The following NFILZ variants were observed in gnomAD, a reference collection of about 807,000 sequenced individuals.
NFILZ encodes the protein NFIL3 like basic leucine zipper, also known as NFIL3 like protein.
chr19:8,633,568 T>C (rs2042880210), intron 2 of NFILZ, among the ~76,000 whole-genome samples: 1 of 152,140 alleles, frequency 6.6e-6, no homozygotes, highest in Non-Finnish European at 1.5e-5. Context: ...GGCCAGCTCC[T>C]TTCCCTCTCT....
In NFILZ at chr19:8,631,844, G is replaced by A. The variant is rs868915430; in HGVS notation, c.-410-632G>A. On this transcript the variant is annotated intron_variant, in intron 1 of 5. Coordinates refer to ENST00000691075, the MANE Select transcript of NFILZ (RefSeq NM_001378600.1). ...AGTCCTCGCTTTTGTGTGTGTGTGT[G>A]TGTGTGTGTGTGTGTGTGTGTGTTT... Among the ~76,000 whole-genome samples the A allele has an allele frequency of 2.7e-3, 391 of 146,160 alleles. 6 individuals carry two copies. Among genetic ancestry groups the A allele is most frequent in the African/African-American group, 9.8e-3 (352 of 36,026 alleles).
chr19:8,656,987 T>C (rs555327813), intron 3 of NFILZ, among the ~76,000 whole-genome samples: 12 of 151,906 alleles, frequency 7.9e-5, no homozygotes, highest in Non-Finnish European at 1.5e-4. Flanking sequence ...GTGGTTGGCG[T>C]TTGACTATTG....
rs2043142375 is a variant in NFILZ at position 8,680,647 on chromosome 19, G to GATC, written c.*3014_*3016dup. On this transcript the variant is annotated 3_prime_UTR_variant, in exon 6 of 6. Transcript: ENST00000691075. The stretch of plus-strand genomic sequence containing the variant: ...AAAAAATAAGAAAAACATATAGTAG[G>GATC]ATCAATGATGATACGTGTCATGGAG... 6.6e-6 allele frequency among the ~76,000 whole-genome samples: 1 copy of GATC among 152,124 alleles called. No individual in the cohort carries two copies. Among genetic ancestry groups the GATC allele is most frequent in the Non-Finnish European group, 1.5e-5 (1 of 68,040 alleles).
intron 3 of NFILZ, among the ~76,000 whole-genome samples, chr19:8,663,722 T>TTGTGTGTGTGTGTGTATGTGTG (rs1568423333): frequency 3.7e-4 from 4 of 10,800 alleles, no homozygotes; most frequent in African/African-American, 1.2e-3. Context: ...GTGTGTGTGT[T>TTGTGTGTGTGTGTGTATGTGTG]TGTGTGTGTG....
rs1568426387 is a variant in NFILZ, at chr19:8,678,127, C to CATCCGTCCATCCATCCT, written c.*492_*493insATCCGTCCATCCATCCT. Among the ~76,000 whole-genome samples, 2 of 13,680 alleles carry CATCCGTCCATCCATCCT rather than the reference C, an allele frequency of 1.5e-4. No homozygotes were observed. Among genetic ancestry groups the CATCCGTCCATCCATCCT allele is most frequent in the African/African-American group, 6.6e-4 (2 of 3,010 alleles). The allele number at this position is 13,680 out of a possible 152,430, so 9.0% of individuals were successfully genotyped here. On this transcript the variant is annotated 3_prime_UTR_variant, in exon 6 of 6. Coordinates refer to ENST00000691075, the MANE Select transcript of NFILZ (RefSeq NM_001378600.1). ...CATCCATCCATCCATCCATCCATCC[C>CATCCGTCCATCCATCCT]TCCATCCATTCATCCACTTGTCCGT...
intron 1 of NFILZ, among the ~76,000 whole-genome samples, chr19:8,631,575 C>T (rs912934038): frequency 6.6e-6 from 1 of 152,162 alleles, no homozygotes; most frequent in Admixed American, 6.5e-5. Flanking sequence ...TCTTGGCCCC[C>T]TCTTCCCCCG....
intron 3 of NFILZ, among the ~76,000 whole-genome samples, chr19:8,641,582 A>C (rs1555746672): frequency 6.6e-6 from 1 of 152,170 alleles, no homozygotes; most frequent in African/African-American, 2.4e-5. Context: ...TATTTTACAC[A>C]TGGGGAAACT....
intron 3 of NFILZ, among the ~76,000 whole-genome samples, chr19:8,652,260 A>G (rs995041592): frequency 6.6e-6 from 1 of 151,818 alleles, no homozygotes; most frequent in Non-Finnish European, 1.5e-5. Flanking sequence ...CCGCCACCAC[A>G]CCCGGCTAAT....
At chr19:8,640,128 A>T (rs2146138455) in intron 3 of NFILZ, among the ~76,000 whole-genome samples, 1 of 152,056 alleles carries the variant, frequency 6.6e-6, no homozygotes, top group Non-Finnish European at 1.5e-5. Context: ...TCTTGGCCTG[A>T]GTTCCTGCCC....
Position 8,642,485 on chromosome 19 carries a change from AGTTTAGCCAGGCG to A in NFILZ, c.-164+6743_-164+6755del, listed in dbSNP as rs576345862. Among the ~76,000 whole-genome samples the A allele has an allele frequency of 2.4e-4, 36 of 152,144 alleles. No homozygotes were observed. The East Asian group carries it at 6.4e-3, about 27-fold the overall frequency. ...ATTCTGTGGGTTGGCAACTTGGTTG[AGTTTAGCCAGGCG>A]GTTCTTCTGTCGGTCTTGCTTGGGC... On this transcript the variant is annotated intron_variant, in intron 3 of 5. Coordinates refer to ENST00000691075, the MANE Select transcript of NFILZ (RefSeq NM_001378600.1).
intron 2 of NFILZ, among the ~76,000 whole-genome samples, chr19:8,633,468 G>C (rs2042879733): frequency 1.3e-5 from 2 of 152,156 alleles, no homozygotes; most frequent in South Asian, 4.1e-4. Context: ...AGTGAGGTAG[G>C]GAAGCTGCGG....
intron 3 of NFILZ, among the ~76,000 whole-genome samples, chr19:8,656,227 C>CTG (rs2042992310): frequency 9.0e-6 from 1 of 110,990 alleles, no homozygotes; most frequent in African/African-American, 3.2e-5. Context: ...CCACCTTCTC[C>CTG]CAGAAACCCT....
In NFILZ at chr19:8,653,038, T is replaced by C. The variant is rs137946748; in HGVS notation, c.-164+17292T>C. On this transcript the variant is annotated intron_variant, in intron 3 of 5. Coordinates refer to ENST00000691075, the MANE Select transcript of NFILZ (RefSeq NM_001378600.1). ...TTTCTTTCTTTCTTTCTTTCTTTCT[T>C]TCTCTCTCTCTCTCTCTCTCTCTCT... Among the ~76,000 whole-genome samples, 320 of 90,450 alleles carry C rather than the reference T, an allele frequency of 3.5e-3. 2 individuals carry two copies. Among genetic ancestry groups the C allele is most frequent in the Admixed American group, 5.6e-3 (44 of 7,834 alleles). 59.3% of individuals were successfully genotyped at this position (90,450 alleles called of 152,430 possible).
chr19:8,645,462 T>C (rs906513498), intron 3 of NFILZ, among the ~76,000 whole-genome samples: 5 of 152,166 alleles, frequency 3.3e-5, no homozygotes, highest in Admixed American at 3.3e-4. Context: ...TTTCTGATCA[T>C]GTTGTCCCCA....
chr19:8,633,904 TTCCTTCC>T (rs2042882422), intron 2 of NFILZ, among the ~76,000 whole-genome samples: 1 of 145,004 alleles, frequency 6.9e-6, no homozygotes, highest in African/African-American at 2.5e-5. Context: ...CCTTCCTTCC[TTCCTTCC>T]TTCCTTCCTT....
chr19:8,665,175 G>A (rs75461488), intron 3 of NFILZ, among the ~76,000 whole-genome samples: 6,279 of 152,230 alleles, frequency 0.041, 446 homozygotes, highest in African/African-American at 0.14. Context: ...CCTAGAAGGC[G>A]CTTCTGGCCT....
At chr19:8,664,220 T>C (rs1419379641) in intron 3 of NFILZ, among the ~76,000 whole-genome samples, 4 of 152,188 alleles carry the variant, frequency 2.6e-5, no homozygotes, top group African/African-American at 9.7e-5. Flanking sequence ...GGGTTACCTG[T>C]TCAGCCTTTG....
intron 3 of NFILZ, among the ~76,000 whole-genome samples, chr19:8,663,772 A>G (rs76934719): frequency 0.11 from 7,941 of 75,012 alleles, 320 homozygotes; most frequent in African/African-American, 0.19. Context: ...GTGTGTGTGT[A>G]TGTATGTGTG....
At chr19:8,672,193 A>G (rs1463697223) in intron 3 of NFILZ, among the ~76,000 whole-genome samples, 1 of 152,242 alleles carries the variant, frequency 6.6e-6, no homozygotes. Context: ...AAAAATAGTC[A>G]TGCATTTATT....
Sources: gnomAD v4.1 joint callset for allele counts (sites outside exome capture counted in the v4.1 genomes callset) on GRCh38, gnomAD v4.1.1 for gene constraint, MANE v1.5 for transcripts, NCBI Gene and HGNC (gene_info 2026-07-23, HGNC 2026-07-21) for gene names.